The following VPS8 variants were observed in gnomAD, a reference collection of about 807,000 sequenced individuals.
The protein encoded by VPS8 is vacuolar protein sorting-associated protein 8 homolog.
A neutral mutation model predicts 216.4 loss-of-function variants in VPS8; 129 were observed. That is an observed-to-expected ratio of 0.60 (90% CI 0.52 to 0.69). The LOEUF is 0.69. Among genes scored for constraint, VPS8 ranks in the 30% least tolerant of loss-of-function variants. The probability of loss-of-function intolerance (pLI) is 0.00; values close to 1 mark genes in which losing one functional copy is unlikely to be tolerated. For synonymous variants in VPS8, 571 were observed against 565.4 expected, an observed-to-expected ratio of 1.01 and a Z score of -0.14; for missense variants, 1,531 against 1,683.5, an observed-to-expected ratio of 0.91 and a Z score of 1.59.
intron 45 of VPS8, among the ~76,000 whole-genome samples, chr3:185,011,629 C>T (rs1370758808): frequency 1.3e-5 from 2 of 152,160 alleles, no homozygotes; most frequent in Non-Finnish European, 2.9e-5. Flanking sequence ...GTAAATGTTG[C>T]TATGTTACAG....
intron 36 of VPS8, among the ~76,000 whole-genome samples, chr3:184,942,179 C>A (rs965652198): frequency 6.6e-6 from 1 of 152,080 alleles, no homozygotes; most frequent in Non-Finnish European, 1.5e-5. Context: ...AGGCATATCA[C>A]AAGTATCAAA....
intron 36 of VPS8, among the ~76,000 whole-genome samples, chr3:184,952,328 T>C (rs1744843940): frequency 6.6e-6 from 1 of 152,206 alleles, no homozygotes; most frequent in Non-Finnish European, 1.5e-5. Context: ...CAAGCAGTTC[T>C]CTAGTGGGCA....
intron 42 of VPS8, among the ~76,000 whole-genome samples, chr3:184,984,183 C>CAAAAAAAAAA (rs1453935100): frequency 0.012 from 36 of 2,886 alleles, 17 homozygotes; most frequent in Admixed American, 0.025. Context: ...GACTCCGTCT[C>CAAAAAAAAAA]AAAAAAAAAA....
chr3:185,042,139 C>T (rs1246763625), intron 46 of VPS8, among the ~76,000 whole-genome samples: 1 of 152,194 alleles, frequency 6.6e-6, no homozygotes, highest in Non-Finnish European at 1.5e-5. Context: ...GAAATATCAA[C>T]TGATGGTGGG....
At chr3:184,898,741 GT>G in intron 24 of VPS8, 87 bp downstream of exon 24, 2 of 1,038,006 alleles carry the variant, frequency 1.9e-6, no homozygotes, top group Non-Finnish European at 2.7e-6. Flanking sequence ...ATAGTTTCTA[GT>G]TTTATCCAAT....
At chr3:184,947,136 G>C (rs1446248588) in intron 36 of VPS8, among the ~76,000 whole-genome samples, 3 of 152,210 alleles carry the variant, frequency 2.0e-5, no homozygotes, top group Admixed American at 2.0e-4. Flanking sequence ...GCTGGTACCT[G>C]CTGGTGCTTT....
intron 33 of VPS8, among the ~76,000 whole-genome samples, chr3:184,929,953 A>AT (rs1740393422): frequency 6.6e-6 from 1 of 152,204 alleles, no homozygotes; most frequent in Non-Finnish European, 1.5e-5. Flanking sequence ...CAGGGAAGGA[A>AT]TTTCAGAGAA....
chr3:184,854,824 T>C (rs550109598), intron 13 of VPS8, among the ~76,000 whole-genome samples: 5 of 152,276 alleles, frequency 3.3e-5, no homozygotes, highest in South Asian at 2.1e-4. Context: ...GCATGTGTTA[T>C]TTATATCCCA....
rs1161267952 is a variant in VPS8, at chr3:185,010,396, TG to T, written c.4002+10536del. On this transcript the variant is annotated intron_variant, in intron 45 of 47. Transcript: ENST00000625842. ...AGCAGGAAAATACAAGCCATGATAA[TG>T]AGGAAAAGAAAACAACCCATTGAAA... Among the ~76,000 whole-genome samples the T allele has an allele frequency of 2.6e-5, 4 of 151,928 alleles. No individual in the cohort carries two copies. In the East Asian group the frequency reaches 7.7e-4, roughly 29 times the overall value.
At chr3:184,928,959 G>A (rs572543912) in intron 32 of VPS8, among the ~76,000 whole-genome samples, 1 of 152,026 alleles carries the variant, frequency 6.6e-6, no homozygotes, top group East Asian at 1.9e-4. Flanking sequence ...CTGAACAGAG[G>A]AACTTTATGT....
intron 36 of VPS8, among the ~76,000 whole-genome samples, chr3:184,955,950 A>G (rs1745520819): frequency 7.6e-6 from 1 of 131,038 alleles, no homozygotes; most frequent in Non-Finnish European, 1.6e-5. Context: ...TTCTGTATTA[A>G]AGGCAGTTAT....
chr3:184,993,580 G>A (rs371690713), intron 42 of VPS8, among the ~76,000 whole-genome samples: 132 of 152,268 alleles, frequency 8.7e-4, no homozygotes, highest in South Asian at 2.3e-3. Context: ...TTAGGGGCAG[G>A]AAGTGGCTAA....
intron 20 of VPS8, among the ~76,000 whole-genome samples, chr3:184,870,329 C>T (rs780901131): frequency 1.3e-5 from 2 of 151,998 alleles, no homozygotes; most frequent in Non-Finnish European, 2.9e-5. Context: ...AATTATATTC[C>T]AAATTAGTAT....
intron 34 of VPS8, among the ~76,000 whole-genome samples, chr3:184,933,527 T>TTGTGTGTGTGTGTGTG (rs35601004): frequency 6.7e-6 from 1 of 150,060 alleles, no homozygotes; most frequent in Non-Finnish European, 1.5e-5. Context: ...CTTTCGATCT[T>TTGTGTGTGTGTGTGTG]TGTGTGTGTG....
chr3:185,012,119 A>G (rs1755094042), intron 45 of VPS8, among the ~76,000 whole-genome samples: 1 of 151,636 alleles, frequency 6.6e-6, no homozygotes, highest in African/African-American at 2.4e-5. Context: ...TGAAGCACAG[A>G]GGCAAAAATA....
chr3:184,819,349 A>G (rs1717042531), intron 1 of VPS8, among the ~76,000 whole-genome samples: 1 of 152,192 alleles, frequency 6.6e-6, no homozygotes, highest in African/African-American at 2.4e-5. Context: ...CTGTTTTGTT[A>G]TGTGCAAGTA....
intron 45 of VPS8, among the ~76,000 whole-genome samples, chr3:185,018,055 G>A (rs1756066107): frequency 6.6e-6 from 1 of 152,136 alleles, no homozygotes; most frequent in Non-Finnish European, 1.5e-5. Flanking sequence ...AGGAAATGGA[G>A]TATTTCCTTT....
chr3:184,846,500 T>G (rs1723156374), intron 8 of VPS8, among the ~76,000 whole-genome samples: 1 of 152,262 alleles, frequency 6.6e-6, no homozygotes, highest in Non-Finnish European at 1.5e-5. Flanking sequence ...CTGCTTATAC[T>G]TCCTGTGCCT....
At chr3:184,926,014 A>G (rs1156640260) in intron 30 of VPS8, among the ~76,000 whole-genome samples, 1 of 150,472 alleles carries the variant, frequency 6.6e-6, no homozygotes, top group Non-Finnish European at 1.5e-5. Context: ...ACCTCAAGTG[A>G]TCCGCCCTCC....
Sources: allele counts gnomAD v4.1 joint callset (sites outside exome capture counted in the v4.1 genomes callset), GRCh38; gene constraint gnomAD v4.1.1; transcripts MANE v1.5; gene names NCBI Gene and HGNC (gene_info 2026-07-23, HGNC 2026-07-21).